The following ATP9B variants were observed in gnomAD, a reference collection of about 807,000 sequenced individuals.
ATP9B encodes probable phospholipid-transporting ATPase IIB.
ATP9B carries 110 observed loss-of-function variants against 146.1 expected under a neutral mutation model. That is an observed-to-expected ratio of 0.75 (90% confidence interval 0.65 to 0.88). ATP9B has a LOEUF of 0.88. Among genes scored for constraint, ATP9B ranks in the 40% least tolerant of loss-of-function variants. The pLI is 0.00. For missense variants in ATP9B, 1,499 were observed against 1,496.4 expected (o/e 1.00, Z -0.03); for synonymous variants, 604 against 569.7 (o/e 1.06, Z -0.86).
intron 8 of ATP9B, among the ~76,000 whole-genome samples, chr18:79,190,545 CATAT>C (rs57466722): frequency 1.5e-3 from 149 of 97,176 alleles, no homozygotes; most frequent in Non-Finnish European, 2.5e-3. Flanking sequence ...CACACACACA[CATAT>C]ACATATATTT....
chr18:79,113,283 C>G lies in ATP9B; in HGVS notation c.487C>G (p.Leu163Val), dbSNP rs776613887. The change falls in exon 4 of 30, where the codon CTA becomes GTA. Residue 163 changes from leucine to valine, a missense_variant. Leu to Val is a conservative substitution (Grantham distance 32). Transcript: ENST00000426216. The part of the protein sequence containing the change: ...QFKFFLNLYF[L>V]VISCSQFVPA... ...CAAGTTTTTCTTGAATCTCTATTTTCTAGTAATATCCTGCTCACAGTTTGT... is the reference window on the plus strand; with the variant it reads ...CAAGTTTTTCTTGAATCTCTATTTTGTAGTAATATCCTGCTCACAGTTTGT... The G allele has an allele frequency of 3.1e-6, 5 of 1,597,052 alleles. No homozygotes were observed. Among genetic ancestry groups the G allele is most frequent in the Non-Finnish European group, 3.4e-6 (4 of 1,167,918 alleles).
intron 12 of ATP9B, among the ~76,000 whole-genome samples, chr18:79,269,275 T>C (rs1425658944): frequency 6.6e-6 from 1 of 152,254 alleles, no homozygotes; most frequent in Non-Finnish European, 1.5e-5. Flanking sequence ...CTGCTCTCGC[T>C]GCTGCACTTT....
intron 14 of ATP9B, among the ~76,000 whole-genome samples, chr18:79,305,818 TTC>T (rs1420743488): frequency 2.6e-5 from 4 of 152,236 alleles, no homozygotes; most frequent in African/African-American, 9.6e-5. Context: ...TCTATCGGTA[TTC>T]TGTTTTATTA....
At chr18:79,125,697 A>C (rs1264407954) in intron 4 of ATP9B, among the ~76,000 whole-genome samples, 1 of 152,156 alleles carries the variant, frequency 6.6e-6, no homozygotes, top group African/African-American at 2.4e-5. Context: ...AGAATATAAA[A>C]ATTTTTTTCT....
At chr18:79,200,204 T>C (rs1359569797) in intron 9 of ATP9B, among the ~76,000 whole-genome samples, 1 of 152,194 alleles carries the variant, frequency 6.6e-6, no homozygotes, top group African/African-American at 2.4e-5. Context: ...CATGACCATG[T>C]GGTAGGAATG....
intron 25 of ATP9B, among the ~76,000 whole-genome samples, chr18:79,348,891 C>T (rs1600256082): frequency 6.6e-6 from 1 of 152,158 alleles, no homozygotes; most frequent in African/African-American, 2.4e-5. Context: ...GACTGAGGCA[C>T]GAGAATCACT....
At chr18:79,280,051 A>G (rs941034337) in intron 13 of ATP9B, among the ~76,000 whole-genome samples, 6 of 152,264 alleles carry the variant, frequency 3.9e-5, no homozygotes, top group Non-Finnish European at 5.9e-5. Flanking sequence ...CTAATGGTTA[A>G]CAAAAGCAAG....
chr18:79,093,211 T>A (rs919857912), intron 1 of ATP9B, among the ~76,000 whole-genome samples: 2 of 152,252 alleles, frequency 1.3e-5, no homozygotes, highest in African/African-American at 4.8e-5. Flanking sequence ...CCATTTTTTT[T>A]ACTTTTAATC....
intron 13 of ATP9B, 104 bp from the exon 14 acceptor site, chr18:79,303,500 C>A: frequency 2.5e-6 from 2 of 803,188 alleles, no homozygotes; most frequent in Non-Finnish European, 4.1e-6. Context: ...GGCATCCCAG[C>A]TGCTTCAGCC....
chr18:79,220,995 G>A (rs1402513705), intron 11 of ATP9B, among the ~76,000 whole-genome samples: 1 of 152,178 alleles, frequency 6.6e-6, no homozygotes, highest in Non-Finnish European at 1.5e-5. Context: ...GCCTAGACTA[G>A]GAAGTTCCTG....
chr18:79,346,995 C>T (rs938358352), intron 23 of ATP9B, among the ~76,000 whole-genome samples: 5 of 152,244 alleles, frequency 3.3e-5, no homozygotes, highest in Non-Finnish European at 7.3e-5. Context: ...GGCGGACTGG[C>T]GTACAGGGAG....
chr18:79,190,279 T>C (rs1199848886), intron 8 of ATP9B, among the ~76,000 whole-genome samples: 1 of 152,182 alleles, frequency 6.6e-6, no homozygotes, highest in Non-Finnish European at 1.5e-5. Flanking sequence ...TATGTTCTCA[T>C]GTTATACCTA....
Position 79,367,182 on chromosome 18 carries a change from A to C in ATP9B, c.3013-5643A>C. The stretch of plus-strand genomic sequence containing the variant: ...CTCCTCAACCAGAGAGCACACAGAT[A>C]CCTTCACCTCCACCGTGTGTATGCA... On this transcript the variant is annotated intron_variant, in intron 26 of 29. Coordinates refer to ENST00000426216, the MANE Select transcript of ATP9B (RefSeq NM_198531.5). Among the ~76,000 whole-genome samples, 2 of 28,554 alleles carry C rather than the reference A, an allele frequency of 7.0e-5. 1 individual carries two copies. Among genetic ancestry groups the C allele is most frequent in the Non-Finnish European group, 1.3e-4 (2 of 15,972 alleles). The allele number at this position is 28,554 out of a possible 152,430, so 18.7% of individuals were successfully genotyped here. A position where few individuals can be genotyped will look rare whatever the true frequency, so the allele number is the denominator to read the frequency against.
intron 12 of ATP9B, among the ~76,000 whole-genome samples, chr18:79,268,192 T>C (rs1187635298): frequency 6.6e-6 from 1 of 152,134 alleles, no homozygotes; most frequent in Admixed American, 6.5e-5. Flanking sequence ...TTGGCATATC[T>C]TTTTCCATCT....
chr18:79,336,763 C>CTGAAATTAGTTCTTCCTGTCTTTGTA, intron 18 of ATP9B, 52 bp downstream of exon 18: 2 of 1,555,590 alleles, frequency 1.3e-6, no homozygotes, highest in Non-Finnish European at 1.8e-6. Context: ...CTTCCTTACG[C>CTGAAATTAGTTCTTCCTGTCTTTGTA]TGAAATTAGT....
At chr18:79,147,706 C>G (rs966046884) in intron 6 of ATP9B, among the ~76,000 whole-genome samples, 1 of 151,928 alleles carries the variant, frequency 6.6e-6, no homozygotes, top group African/African-American at 2.4e-5. Context: ...CATGAAACTC[C>G]TGTGGGGAAA....
At chr18:79,099,462 C>T (rs550007241) in intron 2 of ATP9B, among the ~76,000 whole-genome samples, 1 of 152,300 alleles carries the variant, frequency 6.6e-6, no homozygotes, top group East Asian at 1.9e-4. Flanking sequence ...CTCAAGTGAT[C>T]TGCCTGCCTT....
chr18:79,218,699 G>A (rs1254721026), intron 11 of ATP9B, among the ~76,000 whole-genome samples: 1 of 152,220 alleles, frequency 6.6e-6, no homozygotes, highest in East Asian at 1.9e-4. Flanking sequence ...CTCAGGGCCT[G>A]TCTTGGAAAC....
chr18:79,272,787 C>T (rs1307099111), intron 12 of ATP9B, among the ~76,000 whole-genome samples: 1 of 152,246 alleles, frequency 6.6e-6, no homozygotes, highest in East Asian at 1.9e-4. Flanking sequence ...TTCTGTTATG[C>T]ATCATTCCTA....
Sources: allele counts gnomAD v4.1 joint callset (sites outside exome capture counted in the v4.1 genomes callset), GRCh38; gene constraint gnomAD v4.1.1; transcripts MANE v1.5; gene names NCBI Gene and HGNC (gene_info 2026-07-23, HGNC 2026-07-21).